The following CSMD1 variants were observed in gnomAD, a reference collection of about 807,000 sequenced individuals.
The protein encoded by CSMD1 is CUB and Sushi multiple domains 1.
Under a neutral mutation model 417.5 loss-of-function variants are expected in CSMD1, and 213 were observed. The observed-to-expected ratio is 0.51, with a 90% confidence interval of 0.46 to 0.57. The LOEUF is 0.57. CSMD1 is among the 20% of genes least tolerant of loss of function. The pLI, the probability that CSMD1 is intolerant of heterozygous loss-of-function variation, is 0.00. For synonymous variants in CSMD1, 2,862 were observed against 1,736.8 expected, an observed-to-expected ratio of 1.65 and a Z score of -16.11; for missense variants, 6,923 against 4,529.7, an observed-to-expected ratio of 1.53 and a Z score of -15.17.
At chr8:4,751,215 T>C (rs766200043) in intron 1 of CSMD1, among the ~76,000 whole-genome samples, 3 of 152,098 alleles carry the variant, frequency 2.0e-5, no homozygotes, top group African/African-American at 7.2e-5. Flanking sequence ...CGAAGACCCA[T>C]CTCTACTAAA....
chr8:3,032,681 C>G (rs1563259206), intron 50 of CSMD1, among the ~76,000 whole-genome samples: 1 of 151,978 alleles, frequency 6.6e-6, no homozygotes, highest in East Asian at 1.9e-4. Flanking sequence ...CAGTGTCTTC[C>G]TGCAGTCCCT....
At chr8:4,034,810 G>A (rs1797532039) in intron 3 of CSMD1, among the ~76,000 whole-genome samples, 2 of 152,102 alleles carry the variant, frequency 1.3e-5, no homozygotes, top group Non-Finnish European at 2.9e-5. Flanking sequence ...TTCTTAGAAG[G>A]CACACATTTT....
intron 40 of CSMD1, among the ~76,000 whole-genome samples, chr8:3,147,596 G>A (rs1329322581): frequency 6.6e-6 from 1 of 152,156 alleles, no homozygotes; most frequent in Non-Finnish European, 1.5e-5. Flanking sequence ...CGCCATTGAG[G>A]CTTCCTGCAC....
intron 63 of CSMD1, among the ~76,000 whole-genome samples, chr8:2,956,686 G>A (rs934578692): frequency 1.3e-5 from 2 of 152,058 alleles, no homozygotes; most frequent in East Asian, 1.9e-4. Flanking sequence ...TCGATCTCCT[G>A]ACCTCGTGAT....
intron 10 of CSMD1, among the ~76,000 whole-genome samples, chr8:3,528,574 G>A (rs868709400): frequency 6.6e-6 from 1 of 152,136 alleles, no homozygotes; most frequent in South Asian, 2.1e-4. Context: ...TTTTGGTTCA[G>A]TAAACTGTAT....
At chr8:4,468,322 G>A (rs550138731) in intron 2 of CSMD1, among the ~76,000 whole-genome samples, 32 of 146,626 alleles carry the variant, frequency 2.2e-4, no homozygotes, top group Middle Eastern at 3.4e-3. Flanking sequence ...TTGACTGGGC[G>A]ATAGGCCTTT....
chr8:3,882,036 G>A (rs1806239457), intron 5 of CSMD1, among the ~76,000 whole-genome samples: 1 of 151,992 alleles, frequency 6.6e-6, no homozygotes, highest in East Asian at 1.9e-4. Flanking sequence ...ATTTTTAAAA[G>A]GTATTAACAA....
chr8:4,278,285 T>C (rs527546159), intron 3 of CSMD1, among the ~76,000 whole-genome samples: 2 of 152,256 alleles, frequency 1.3e-5, no homozygotes, highest in South Asian at 4.1e-4. Context: ...AGTGTAAAGT[T>C]CAAGGAGGTT....
chr8:4,000,291 C>G (rs1435245411), intron 4 of CSMD1, among the ~76,000 whole-genome samples: 3 of 152,126 alleles, frequency 2.0e-5, no homozygotes, highest in African/African-American at 7.2e-5. Context: ...CAACTGAGAA[C>G]CAGCTGCACA....
At chr8:4,251,499 A>C (rs1056508913) in intron 3 of CSMD1, among the ~76,000 whole-genome samples, 23 of 152,210 alleles carry the variant, frequency 1.5e-4, no homozygotes, top group African/African-American at 5.3e-4. Flanking sequence ...AAGACAAAGG[A>C]CAAGATAGTT....
chr8:4,792,757 C>T (rs1384942965), intron 1 of CSMD1, among the ~76,000 whole-genome samples: 13 of 152,208 alleles, frequency 8.5e-5, no homozygotes, highest in African/African-American at 2.6e-4. Context: ...CCCATTACTA[C>T]GGGGTGTTTT....
At position 3,118,028 on chromosome 8, in the gene CSMD1, T is replaced by A. The variant is rs114717432; in HGVS notation, c.6430+371A>T. On this transcript the variant is annotated intron_variant, in intron 42 of 69. Transcript: ENST00000635120. Reference sequence around the variant, plus strand: ...CCAAGGATCAAATTAATAAGTACCCTTTTTCCCTCTGGTCCTACAATCTGA... The same window carrying A: ...CCAAGGATCAAATTAATAAGTACCCATTTTCCCTCTGGTCCTACAATCTGA... 8.4e-3 allele frequency among the ~76,000 whole-genome samples: 1,282 copies of A among 152,294 alleles called. 11 individuals are homozygous for A. Among genetic ancestry groups the A allele is most frequent in the African/African-American group, 0.03 (1,230 of 41,564 alleles).
intron 1 of CSMD1, among the ~76,000 whole-genome samples, chr8:4,650,859 G>T (rs1298889176): frequency 6.6e-6 from 1 of 152,188 alleles, no homozygotes; most frequent in Non-Finnish European, 1.5e-5. Context: ...ATAGCTAGTT[G>T]CCTAGATAAA....
intron 6 of CSMD1, among the ~76,000 whole-genome samples, chr8:3,750,179 C>G (rs1266133926): frequency 6.6e-6 from 1 of 152,044 alleles, no homozygotes. Flanking sequence ...CGTATCAATC[C>G]AAGTAACACT....
chr8:4,304,556 A>G lies in CSMD1; in HGVS notation c.415+115397T>C, dbSNP rs150786281. 2.6e-5 allele frequency among the ~76,000 whole-genome samples: 4 copies of G among 152,288 alleles called. No homozygotes were observed. In the East Asian group the frequency reaches 7.7e-4, roughly 29 times the overall value. On this transcript the variant is annotated intron_variant, in intron 3 of 69. Transcript: ENST00000635120. ...ACCTGCTAGCTCATCGTGATAATCAATTGGGATGTGTTTAAAATTGCTTTG... is the reference window on the plus strand; with the variant it reads ...ACCTGCTAGCTCATCGTGATAATCAGTTGGGATGTGTTTAAAATTGCTTTG...
At chr8:4,084,533 C>G (rs1293708208) in intron 3 of CSMD1, among the ~76,000 whole-genome samples, 1 of 152,052 alleles carries the variant, frequency 6.6e-6, no homozygotes, top group African/African-American at 2.4e-5. Flanking sequence ...CTTACTTCCT[C>G]AAGGAAAAGG....
chr8:4,178,147 A>G (rs1291015076), intron 3 of CSMD1, among the ~76,000 whole-genome samples: 3 of 152,188 alleles, frequency 2.0e-5, no homozygotes, highest in African/African-American at 4.8e-5. Context: ...TTTTAGACCA[A>G]TATCCTTGAT....
intron 36 of CSMD1, among the ~76,000 whole-genome samples, chr8:3,184,806 T>C (rs1036149948): frequency 7.2e-5 from 11 of 152,180 alleles, no homozygotes; most frequent in African/African-American, 2.7e-4. Context: ...CCTTGACTCC[T>C]TACTTCACAT....
chr8:4,947,633 C>G (rs971011878), intron 1 of CSMD1, among the ~76,000 whole-genome samples: 7 of 152,150 alleles, frequency 4.6e-5, no homozygotes, highest in Middle Eastern at 6.8e-3. Context: ...CTTCCTCCCC[C>G]CAGTGACAGA....
Sources: gnomAD v4.1 joint callset for allele counts (sites outside exome capture counted in the v4.1 genomes callset) on GRCh38, gnomAD v4.1.1 for gene constraint, MANE v1.5 for transcripts, NCBI Gene and HGNC (gene_info 2026-07-23, HGNC 2026-07-21) for gene names.